CCDC7: variants seen among roughly 807,000 people sequenced by gnomAD.
The protein encoded by CCDC7 is coiled-coil domain containing 7.
A neutral mutation model predicts 196.9 loss-of-function variants in CCDC7; 183 were observed. That is an observed-to-expected ratio of 0.93 (90% CI 0.82 to 1.05). The LOEUF (loss-of-function observed/expected upper bound fraction) is 1.05. Among genes scored for constraint, CCDC7 ranks in the 50% least tolerant of loss-of-function variants. The pLI is 0.00. For missense variants in CCDC7, 1,540 were observed against 1,482.2 expected, an observed-to-expected ratio of 1.04 and a Z score of -0.64; for synonymous variants, 525 against 484.6, an observed-to-expected ratio of 1.08 and a Z score of -1.10.
chr10:32,678,172 GTT>G (rs1330981634), intron 21 of CCDC7, among the ~76,000 whole-genome samples: 1 of 151,980 alleles, frequency 6.6e-6, no homozygotes, highest in Non-Finnish European at 1.5e-5. Context: ...CACTGAGCTT[GTT>G]TAAGGCCATT....
At chr10:32,680,882 A>G (rs562149261) in intron 21 of CCDC7, among the ~76,000 whole-genome samples, 1 of 152,286 alleles carries the variant, frequency 6.6e-6, no homozygotes, top group East Asian at 1.9e-4. Flanking sequence ...AACTGAGAGA[A>G]TTTGGGGAAA....
intron 24 of CCDC7, among the ~76,000 whole-genome samples, chr10:32,699,895 A>G (rs1358341240): frequency 1.3e-5 from 2 of 149,196 alleles, no homozygotes; most frequent in Non-Finnish European, 2.9e-5. Context: ...ACTTGTTGAT[A>G]GGGTTGTTTG....
chr10:32,845,905 AT>A lies in CCDC7; in HGVS notation c.3552del (p.Ile1184MetfsTer5). ...TGATAAGGAATTCTTGGCAGATGCT[AT>A]TGGAAGAGGTATAATAATAGGGCCA... On this transcript the variant is annotated frameshift_variant, in exon 36 of 42. Coordinates refer to ENST00000639629, the Ensembl canonical transcript of CCDC7. LOFTEE classifies it high-confidence loss of function. 4 of 1,612,088 alleles carry A rather than the reference AT, an allele frequency of 2.5e-6. No individual in the cohort carries two copies. The highest frequency in any genetic ancestry group is 3.4e-6 in the Non-Finnish European group (4 of 1,178,482).
chr10:32,704,011 A>T (rs190805119), intron 24 of CCDC7, among the ~76,000 whole-genome samples: 1 of 152,156 alleles, frequency 6.6e-6, no homozygotes, highest in African/African-American at 2.4e-5. Flanking sequence ...TTCTTCTCTC[A>T]ACTCGTCAAA....
At chr10:32,673,869 T>C (rs2074485837) in intron 21 of CCDC7, among the ~76,000 whole-genome samples, 1 of 152,190 alleles carries the variant, frequency 6.6e-6, no homozygotes, top group Non-Finnish European at 1.5e-5. Context: ...AATTTAACAA[T>C]TTCTTCTTTG....
chr10:32,761,179 C>G (rs894728718), intron 28 of CCDC7, among the ~76,000 whole-genome samples: 1 of 151,970 alleles, frequency 6.6e-6, no homozygotes, highest in African/African-American at 2.4e-5. Context: ...TAACATAATA[C>G]AGAAGAGGGA....
intron 21 of CCDC7, among the ~76,000 whole-genome samples, chr10:32,667,804 A>T (rs888303789): frequency 1.3e-5 from 2 of 152,118 alleles, no homozygotes; most frequent in Non-Finnish European, 2.9e-5. Context: ...AGGTAGCGTG[A>T]TGCCTCCAGC....
At chr10:32,763,772 CAT>C (rs2077827058) in intron 28 of CCDC7, among the ~76,000 whole-genome samples, 1 of 151,540 alleles carries the variant, frequency 6.6e-6, no homozygotes, top group African/African-American at 2.4e-5. Flanking sequence ...TCTAAAAAGT[CAT>C]ATTCATAGAA....
chr10:32,553,404 C>A (rs1015873687), intron 13 of CCDC7, among the ~76,000 whole-genome samples: 2 of 152,048 alleles, frequency 1.3e-5, no homozygotes, highest in Non-Finnish European at 2.9e-5. Flanking sequence ...CTCCGGAATT[C>A]TTTTTCAGGT....
At chr10:32,577,500 G>A (rs1002437058) in intron 16 of CCDC7, among the ~76,000 whole-genome samples, 3 of 152,126 alleles carry the variant, frequency 2.0e-5, no homozygotes, top group Non-Finnish European at 4.4e-5. Context: ...CATGAAGAAT[G>A]CCTGAAGTTT....
chr10:32,498,707 G>A (rs1018867968), intron 9 of CCDC7, among the ~76,000 whole-genome samples: 12 of 152,010 alleles, frequency 7.9e-5, no homozygotes, highest in African/African-American at 2.7e-4. Context: ...GTTGAATATC[G>A]GCCCCCAATC....
chr10:32,804,887 G>A lies in CCDC7; in HGVS notation c.3014-128G>A, dbSNP rs1184958027. ...AGTGATTTGGCAATTCAGACATTTT[G>A]CTATAACTTTTATTCATTAATAACA... On this transcript the variant is annotated intron_variant, in intron 29 of 41. Coordinates refer to ENST00000639629, the Ensembl canonical transcript of CCDC7. The A allele has an allele frequency of 2.7e-5, 17 of 624,234 alleles. No individual in the cohort carries two copies. In the South Asian group the frequency reaches 3.5e-4, roughly 13 times the overall value. The allele number at this position is 624,234 out of a possible 1,614,324, so 38.7% of individuals were successfully genotyped here. A position where few individuals can be genotyped will look rare whatever the true frequency, so the allele number is the denominator to read the frequency against.
chr10:32,488,017 G>C (rs2041490066), intron 8 of CCDC7, among the ~76,000 whole-genome samples: 1 of 152,212 alleles, frequency 6.6e-6, no homozygotes, highest in South Asian at 2.1e-4. Flanking sequence ...AAAGCTGTCA[G>C]ACAGGGACAT....
intron 23 of CCDC7, among the ~76,000 whole-genome samples, chr10:32,690,250 A>G (rs1003240574): frequency 2.6e-5 from 4 of 152,282 alleles, no homozygotes; most frequent in Middle Eastern, 3.4e-3. Context: ...CACTTAAATG[A>G]TATAATCAAT....
In CCDC7 at chr10:32,593,783, G is replaced by A. The variant is rs539724141; in HGVS notation, c.1801+9479G>A. 3.3e-5 allele frequency among the ~76,000 whole-genome samples: 5 copies of A among 152,112 alleles called. No individual in the cohort carries two copies. The South Asian group carries it at 6.2e-4, about 19-fold the overall frequency. ...TCTACGTATGGCTAGCCAGTTTTCC[G>A]AGCACCATTTATTAAATAGGGAATC... On this transcript the variant is annotated intron_variant, in intron 18 of 41. Transcript: ENST00000639629.
intron 13 of CCDC7, among the ~76,000 whole-genome samples, chr10:32,562,236 G>T (rs1480890028): frequency 6.6e-6 from 1 of 152,170 alleles, no homozygotes; most frequent in African/African-American, 2.4e-5. Flanking sequence ...GGAGGAATTG[G>T]TGCCATTCCT....
At chr10:32,592,403 T>G (rs1023016154) in intron 18 of CCDC7, among the ~76,000 whole-genome samples, 1 of 152,086 alleles carries the variant, frequency 6.6e-6, no homozygotes, top group African/African-American at 2.4e-5. Context: ...TTTTTCTAGT[T>G]TTTTTAAGGC....
chr10:32,763,438 T>C (rs2077764879), intron 28 of CCDC7, among the ~76,000 whole-genome samples: 1 of 151,764 alleles, frequency 6.6e-6, no homozygotes, highest in African/African-American at 2.4e-5. Context: ...CTTTAAAAAA[T>C]TAAAAATAGA....
At chr10:32,618,099 C>T (rs1026312483) in intron 18 of CCDC7, among the ~76,000 whole-genome samples, 1 of 151,722 alleles carries the variant, frequency 6.6e-6, no homozygotes, top group African/African-American at 2.4e-5. Flanking sequence ...TATTTTCTAC[C>T]CCTTTACTTT....
Sources: allele counts gnomAD v4.1 joint callset (sites outside exome capture counted in the v4.1 genomes callset), GRCh38; gene constraint gnomAD v4.1.1; transcripts MANE v1.5; gene names NCBI Gene and HGNC (gene_info 2026-07-23, HGNC 2026-07-21).